The following STK32B variants were observed in gnomAD, a reference collection of about 807,000 sequenced individuals.
STK32B encodes the protein serine/threonine-protein kinase 32B.
In STK32B, 43 loss-of-function variants were observed where a neutral mutation model predicts 52.6. That is an observed-to-expected ratio of 0.82 (90% CI 0.64 to 1.05). The LOEUF (loss-of-function observed/expected upper bound fraction) is 1.05. Ranked by LOEUF, STK32B falls within the 50% of genes least tolerant of loss-of-function variation. The pLI is 0.00. For missense variants in STK32B, 621 were observed against 534.6 expected, an observed-to-expected ratio of 1.16 and a Z score of -1.59; for synonymous variants, 238 against 204.3, an observed-to-expected ratio of 1.17 and a Z score of -1.41.
intron 3 of STK32B, among the ~76,000 whole-genome samples, chr4:5,290,615 T>A (rs566250981): frequency 4.1e-4 from 63 of 152,310 alleles, no homozygotes; most frequent in South Asian, 2.5e-3. Context: ...TAATTTTTTT[T>A]AAAATTTTAC....
At position 5,238,374 on chromosome 4, in the gene STK32B, C is replaced by CT. The variant is rs539071633; in HGVS notation, c.260+69934dup. On this transcript the variant is annotated intron_variant, in intron 3 of 11. Coordinates refer to ENST00000282908, the MANE Select transcript of STK32B (RefSeq NM_018401.3). ...GCCTCTCTGTTTCTTCTCCTTTCTT[C>CT]TTTTTTTTTTGGTCCCTTATAAGGA... Among the ~76,000 whole-genome samples the CT allele has an allele frequency of 6.7e-4, 100 of 148,636 alleles. 1 individual carries two copies. In the South Asian group the frequency reaches 0.017, roughly 25 times the overall value.
chr4:5,126,122 C>G (rs1199025275), intron 1 of STK32B, among the ~76,000 whole-genome samples: 1 of 152,220 alleles, frequency 6.6e-6, no homozygotes, highest in East Asian at 1.9e-4. Context: ...TGTTTGTCTT[C>G]TCATACCACC....
At chr4:5,060,060 G>A (rs1433134835) in intron 1 of STK32B, among the ~76,000 whole-genome samples, 1 of 152,088 alleles carries the variant, frequency 6.6e-6, no homozygotes, top group Non-Finnish European at 1.5e-5. Flanking sequence ...TCCACCTCCC[G>A]GGTTCAAGTG....
chr4:5,187,014 C>T (rs1284787751), intron 3 of STK32B, among the ~76,000 whole-genome samples: 1 of 152,176 alleles, frequency 6.6e-6, no homozygotes, highest in Non-Finnish European at 1.5e-5. Context: ...GCATGAGGAG[C>T]CAGAGGACAC....
chr4:5,393,991 C>A (rs1577438331), intron 4 of STK32B, among the ~76,000 whole-genome samples: 1 of 152,284 alleles, frequency 6.6e-6, no homozygotes, highest in East Asian at 1.9e-4. Context: ...GCTTTCCCCT[C>A]CAGGTTTTTG....
intron 3 of STK32B, among the ~76,000 whole-genome samples, chr4:5,299,691 A>G (rs1161507360): frequency 1.3e-5 from 2 of 152,184 alleles, no homozygotes; most frequent in Non-Finnish European, 2.9e-5. Flanking sequence ...GTTTGAAGTC[A>G]GGTAATGTGA....
chr4:5,262,744 A>G (rs777915711), intron 3 of STK32B, among the ~76,000 whole-genome samples: 4 of 152,156 alleles, frequency 2.6e-5, no homozygotes, highest in Non-Finnish European at 5.9e-5. Flanking sequence ...TCTCATTTTC[A>G]TATTAAATAC....
chr4:5,115,167 T>C (rs530910512), intron 1 of STK32B, among the ~76,000 whole-genome samples: 1 of 152,320 alleles, frequency 6.6e-6, no homozygotes, highest in African/African-American at 2.4e-5. Flanking sequence ...TTGAGTGTGC[T>C]GTGTTGGCTT....
intron 3 of STK32B, among the ~76,000 whole-genome samples, chr4:5,268,182 T>C (rs1381265455): frequency 6.6e-6 from 1 of 152,212 alleles, no homozygotes; most frequent in Non-Finnish European, 1.5e-5. Flanking sequence ...GATATTTCTT[T>C]GTGTGTTTGG....
At chr4:5,148,371 T>C (rs1354481003) in intron 2 of STK32B, among the ~76,000 whole-genome samples, 1 of 151,826 alleles carries the variant, frequency 6.6e-6, no homozygotes, top group Non-Finnish European at 1.5e-5. Context: ...AATATAAGCA[T>C]TTTAAGCTAT....
chr4:5,112,822 A>C (rs1714478024), intron 1 of STK32B, among the ~76,000 whole-genome samples: 1 of 152,176 alleles, frequency 6.6e-6, no homozygotes, highest in African/African-American at 2.4e-5. Flanking sequence ...CAAAGAAGGG[A>C]AGAGAAGAGC....
chr4:5,068,985 G>T (rs965644012), intron 1 of STK32B, among the ~76,000 whole-genome samples: 1 of 152,026 alleles, frequency 6.6e-6, no homozygotes, highest in Admixed American at 6.6e-5. Context: ...TATTAACAAC[G>T]GTCACCAATG....
At chr4:5,414,085 C>T (rs1711943712) in intron 5 of STK32B, among the ~76,000 whole-genome samples, 1 of 151,966 alleles carries the variant, frequency 6.6e-6, no homozygotes, top group Admixed American at 6.6e-5. Flanking sequence ...ACCTGAATAC[C>T]CATAATAGGG....
chr4:5,369,963 C>T (rs1288253537), intron 4 of STK32B, among the ~76,000 whole-genome samples: 5 of 151,666 alleles, frequency 3.3e-5, no homozygotes, highest in Non-Finnish European at 7.4e-5. Flanking sequence ...GCAAGCTCCG[C>T]CTCCTGGGTT....
intron 3 of STK32B, among the ~76,000 whole-genome samples, chr4:5,203,623 C>T (rs1722327430): frequency 6.6e-6 from 1 of 152,196 alleles, no homozygotes; most frequent in African/African-American, 2.4e-5. Context: ...CTGTTATGTC[C>T]TCAGTGCCTA....
At chr4:5,356,223 C>CT (rs1268399219) in intron 4 of STK32B, among the ~76,000 whole-genome samples, 1 of 152,174 alleles carries the variant, frequency 6.6e-6, no homozygotes, top group Non-Finnish European at 1.5e-5. Context: ...CAGCATCACT[C>CT]TGATTTCTAC....
intron 3 of STK32B, among the ~76,000 whole-genome samples, chr4:5,316,606 TATATATTATATATTATATATATA>T (rs1730810042): frequency 7.0e-5 from 1 of 14,222 alleles, no homozygotes; most frequent in Non-Finnish European, 9.0e-5. Flanking sequence ...ACATATATAA[TATATATTATATATTATATATATA>T]ATATATAATA....
intron 11 of STK32B, among the ~76,000 whole-genome samples, chr4:5,490,948 C>T (rs1287911547): frequency 6.6e-6 from 1 of 152,198 alleles, no homozygotes; most frequent in African/African-American, 2.4e-5. Context: ...GTATATGTGA[C>T]ACATTTTCTT....
In STK32B at chr4:5,467,822, A is replaced by G. The variant is rs547017103; in HGVS notation, c.1042-184A>G. On this transcript the variant is annotated intron_variant, in intron 10 of 11. Coordinates refer to ENST00000282908, the MANE Select transcript of STK32B (RefSeq NM_018401.3). This position sits in a 1 kb window ranked among gnomAD's most constrained non-coding sequence, Gnocchi z 5.8. ...GTGGAGAAAAGCATCTTTGTCCACC[A>G]GGCTACCTTTGGACACAGCCACCCA... Among the ~76,000 whole-genome samples, 1 of 152,330 alleles carries G rather than the reference A, an allele frequency of 6.6e-6. No individual in the cohort carries two copies. Among genetic ancestry groups the G allele is most frequent in the South Asian group, 2.1e-4 (1 of 4,832 alleles).
Sources: allele counts gnomAD v4.1 joint callset (sites outside exome capture counted in the v4.1 genomes callset), GRCh38; gene constraint gnomAD v4.1.1; non-coding constraint Gnocchi (gnomAD v3.1); transcripts MANE v1.5; gene names NCBI Gene and HGNC (gene_info 2026-07-23, HGNC 2026-07-21).